PARP9: variants seen among roughly 807,000 people sequenced by gnomAD.
PARP9 encodes the protein poly(ADP-ribose) polymerase family member 9.
In PARP9, 48 loss-of-function variants were observed where a neutral mutation model predicts 68.8. The observed-to-expected ratio is 0.70, with a 90% confidence interval of 0.55 to 0.89. PARP9 has a LOEUF of 0.89. Among genes scored for constraint, PARP9 ranks in the 40% least tolerant of loss-of-function variants. The pLI is 0.00. For missense variants in PARP9, 806 were observed against 969.3 expected, an observed-to-expected ratio of 0.83 and a Z score of 2.24; for synonymous variants, 309 against 333.8, an observed-to-expected ratio of 0.93 and a Z score of 0.81.
upstream of PARP9, chr3:122,564,590 G>A: frequency 6.2e-7 from 1 of 1,600,172 alleles, no homozygotes; most frequent in Non-Finnish European, 8.5e-7. Flanking sequence ...GGCACCTTCC[G>A]GGTGGAGTTC....
At chr3:122,550,361 G>A (rs1278913685) in intron 6 of PARP9, among the ~76,000 whole-genome samples, 2 of 152,208 alleles carry the variant, frequency 1.3e-5, no homozygotes, top group Admixed American at 6.5e-5. Flanking sequence ...TTACAGGTGT[G>A]AGCCACCGTG....
chr3:122,541,215 GAACAAA>G (rs1413028036), intron 7 of PARP9, among the ~76,000 whole-genome samples: 3 of 152,184 alleles, frequency 2.0e-5, no homozygotes, highest in Non-Finnish European at 4.4e-5. Flanking sequence ...AAACAGTGCA[GAACAAA>G]ACACCATGGC....
At chr3:122,534,471 G>A (rs780087555) in intron 10 of PARP9, 18 of 978,708 alleles carry the variant, frequency 1.8e-5, no homozygotes, top group Non-Finnish European at 2.2e-5. Context: ...AGTGGCTGTT[G>A]TGTGTTTTGC....
At chr3:122,560,601 C>A (rs949849293) in intron 1 of PARP9, among the ~76,000 whole-genome samples, 1 of 152,022 alleles carries the variant, frequency 6.6e-6, no homozygotes, top group African/African-American at 2.4e-5. Flanking sequence ...TTAGCCAGCA[C>A]GGTCTCAATC....
chr3:122,535,297 C>A, intron 10 of PARP9: 1 of 985,362 alleles, frequency 1.0e-6, no homozygotes, highest in African/African-American at 1.7e-5. Flanking sequence ...CTATGTTCAA[C>A]ATTTACCCCA....
chr3:122,530,303 G>T (rs533739547), intron 10 of PARP9, among the ~76,000 whole-genome samples: 2 of 152,230 alleles, frequency 1.3e-5, no homozygotes, highest in South Asian at 2.1e-4. Context: ...AAGGACAGAG[G>T]CATTCTAGTC....
intron 3 of PARP9, among the ~76,000 whole-genome samples, chr3:122,557,693 C>T (rs570076341): frequency 1.4e-4 from 21 of 152,294 alleles, no homozygotes; most frequent in Non-Finnish European, 2.6e-4. Context: ...CTGCCCAGTC[C>T]GGCTTCCTCT....
At chr3:122,554,859 C>G (rs2079506800) in intron 4 of PARP9, among the ~76,000 whole-genome samples, 1 of 151,840 alleles carries the variant, frequency 6.6e-6, no homozygotes, top group Non-Finnish European at 1.5e-5. Context: ...GTTGGGACTA[C>G]AGATGTGCAT....
At position 122,536,188 on chromosome 3, in the gene PARP9, C is replaced by T; in HGVS notation, c.2060G>A (p.Arg687Lys). The T allele has an allele frequency of 6.2e-7, 1 of 1,614,164 alleles. No individual in the cohort carries two copies. The change falls in exon 10 of 11, where the codon AGA becomes AAA. Residue 687 changes from arginine to lysine, a missense_variant. Arg to Lys is a conservative substitution (Grantham distance 26). Transcript: ENST00000682323. ...CCTACCGCAAGGTGTCGAGTACATT[C>T]TTTGAAAGCCAACTCTGCATACCAC... ...CNVVCRVGFQ[R>K]MYSTPCDPKY...
intron 7 of PARP9, among the ~76,000 whole-genome samples, chr3:122,542,639 C>A (rs1419487506): frequency 6.6e-6 from 1 of 151,660 alleles, no homozygotes; most frequent in East Asian, 1.9e-4. Flanking sequence ...ACCACCACAC[C>A]CGGCTAATTT....
intron 7 of PARP9, among the ~76,000 whole-genome samples, 197 bp downstream of exon 7, chr3:122,545,235 T>C (rs1259093700): frequency 6.6e-6 from 1 of 152,194 alleles, no homozygotes; most frequent in African/African-American, 2.4e-5. Context: ...CCTTCCTCTG[T>C]TCATATCATG....
At chr3:122,564,677 G>C (rs1288161535), upstream of PARP9, 1 of 1,542,942 alleles carries the variant, frequency 6.5e-7, no homozygotes, top group African/African-American at 1.4e-5. Context: ...TTTCCAGGCG[G>C]ACCCAGTTCC....
rs369252670 is a variant in PARP9 at position 122,553,126 on chromosome 3, GA to G, written c.886-488del. ...GTATAAGAAACTTAACAAGGTTAAAGAAACTCCAAATGGGACAAAAAGGTCT... is the reference window on the plus strand; with the variant it reads ...GTATAAGAAACTTAACAAGGTTAAAGAACTCCAAATGGGACAAAAAGGTCT... On this transcript the variant is annotated intron_variant, in intron 4 of 10. Coordinates refer to ENST00000682323, the MANE Select transcript of PARP9 (RefSeq NM_001146105.2). 5.3e-4 allele frequency among the ~76,000 whole-genome samples: 81 copies of G among 152,278 alleles called. No homozygotes were observed. In the East Asian group the frequency reaches 0.014, roughly 27 times the overall value.
At chr3:122,559,155 C>T (rs763439999) in intron 2 of PARP9, among the ~76,000 whole-genome samples, 20 of 152,218 alleles carry the variant, frequency 1.3e-4, no homozygotes, top group Admixed American at 2.0e-4. Flanking sequence ...TTTCTCTAGA[C>T]AGAAGACCTG....
intron 7 of PARP9, among the ~76,000 whole-genome samples, chr3:122,544,969 G>A (rs150785358): frequency 1.1e-4 from 16 of 152,166 alleles, no homozygotes; most frequent in South Asian, 2.1e-4. Flanking sequence ...GGGGTTTTGC[G>A]TTTGTTTGTT....
intron 8 of PARP9, among the ~76,000 whole-genome samples, chr3:122,539,506 C>CCTTTCTTTCTTT (rs1559818279): frequency 1.0e-4 from 13 of 125,904 alleles, no homozygotes; most frequent in African/African-American, 3.6e-4. Flanking sequence ...CCCAAGATGG[C>CCTTTCTTTCTTT]ATTTCTTTCT....
chr3:122,529,337 G>A (rs1427680491), intron 10 of PARP9, among the ~76,000 whole-genome samples: 1 of 151,726 alleles, frequency 6.6e-6, no homozygotes, highest in Admixed American at 6.6e-5. Context: ...TGTGATTTGG[G>A]TAGTAACTCC....
In PARP9 at chr3:122,552,454, G is replaced by A; in HGVS notation, c.1071C>T (p.Tyr357=). The part of the protein sequence containing the change: ...KGFNLFCKYI[Y]HVLWHSEFPK... The stretch of plus-strand genomic sequence containing the variant: ...GAAATTCTGAATGCCACAGTACATG[G>A]TATATATATTTACAGAACAAGTTAA... The change falls in exon 5 of 11, where the codon TAC becomes TAT. Residue 357 remains tyrosine, a synonymous_variant. Transcript: ENST00000682323. The A allele has an allele frequency of 6.2e-7, 1 of 1,613,904 alleles. No individual in the cohort carries two copies. The highest frequency in any genetic ancestry group is 1.1e-5 in the South Asian group (1 of 91,070).
intron 10 of PARP9, chr3:122,535,843 CAAAAAAA>C: frequency 1.0e-6 from 1 of 975,600 alleles, no homozygotes; most frequent in African/African-American, 2.3e-5. Flanking sequence ...ATAAGTAAGG[CAAAAAAA>C]AAAAAAAAAA....
Sources: gnomAD v4.1 joint callset for allele counts (sites outside exome capture counted in the v4.1 genomes callset) on GRCh38, gnomAD v4.1.1 for gene constraint, MANE v1.5 for transcripts, NCBI Gene and HGNC (gene_info 2026-07-23, HGNC 2026-07-21) for gene names.